HCK: variants seen among roughly 807,000 people sequenced by gnomAD.
HCK encodes HCK proto-oncogene, Src family tyrosine kinase, also known as tyrosine-protein kinase HCK.
A neutral mutation model predicts 70.4 loss-of-function variants in HCK; 40 were observed. The observed-to-expected ratio is 0.57, with a 90% CI of 0.44 to 0.74. The LOEUF (loss-of-function observed/expected upper bound fraction) is 0.74. Among genes scored for constraint, HCK ranks in the 30% least tolerant of loss-of-function variants. The probability of loss-of-function intolerance (pLI) is 0.00; values close to 1 mark genes in which losing one functional copy is unlikely to be tolerated. For missense variants in HCK, 568 were observed against 697.2 expected, an observed-to-expected ratio of 0.81 and a Z score of 2.09; for synonymous variants, 245 against 263.2, an observed-to-expected ratio of 0.93 and a Z score of 0.67.
chr20:32,084,373 C>T lies in HCK; in HGVS notation c.683-18C>T. The T allele has an allele frequency of 1.2e-6, 2 of 1,605,664 alleles. No homozygotes were observed. The highest frequency in any genetic ancestry group is 2.2e-5 in the East Asian group (1 of 44,750). Reference sequence around the variant, plus strand: ...CTCGGTGCTTGTTGCTCTCAATTGACCAGGGACTCTGTTCCAGAGGGGAAC... The same window carrying T: ...CTCGGTGCTTGTTGCTCTCAATTGATCAGGGACTCTGTTCCAGAGGGGAAC... On this transcript the variant is annotated intron_variant, in intron 7 of 12. Transcript: ENST00000375852.
Position 32,086,764 on chromosome 20 carries a change from C to T in HCK, c.972C>T (p.Val324=). 2.5e-6 allele frequency: 4 copies of T among 1,599,894 alleles called. No homozygotes were observed. The highest frequency in any genetic ancestry group is 3.4e-6 in the Non-Finnish European group (4 of 1,172,984). Reference sequence around the variant, plus strand: ...AGCTGGTCAAACTTCATGCGGTGGTCACCAAGGAGCCCATCTACATCATCA... The same window carrying T: ...AGCTGGTCAAACTTCATGCGGTGGTTACCAAGGAGCCCATCTACATCATCA... Residue 324 remains valine (V), a synonymous_variant, in exon 9 of 13, where the codon GTC becomes GTT. Transcript: ENST00000375852.
At chr20:32,094,460 G>T (rs2045906272) in intron 11 of HCK, among the ~76,000 whole-genome samples, 1 of 151,928 alleles carries the variant, frequency 6.6e-6, no homozygotes, top group African/African-American at 2.4e-5. Context: ...CTGGAGGACT[G>T]CTTGAGCCCA....
At chr20:32,074,805 T>C in intron 5 of HCK, 84 bp downstream of exon 5, 10 of 887,852 alleles carry the variant, frequency 1.1e-5, no homozygotes, top group Non-Finnish European at 1.7e-5. Context: ...GCACACACTG[T>C]ACCACTGCCT....
intron 9 of HCK, among the ~76,000 whole-genome samples, chr20:32,087,684 C>T (rs1390420829): frequency 1.3e-5 from 2 of 152,016 alleles, no homozygotes; most frequent in African/African-American, 2.4e-5. Flanking sequence ...CTCTGTTTCC[C>T]AGGCTGGAGT....
In HCK at chr20:32,101,555, G is replaced by A; in HGVS notation, c.*36G>A. 2.5e-6 allele frequency: 4 copies of A among 1,571,176 alleles called. No individual in the cohort carries two copies. The highest frequency in any genetic ancestry group is 3.5e-6 in the Non-Finnish European group (4 of 1,151,604). ...CAGGGCAGGGCCAGGGGGTGCCCAG[G>A]TGGTGGCTGCAAGGTGGCTCCAGCA... On this transcript the variant is annotated 3_prime_UTR_variant, in exon 13 of 13. Coordinates refer to ENST00000375852, the MANE Select transcript of HCK (RefSeq NM_002110.5).
intron 10 of HCK, among the ~76,000 whole-genome samples, chr20:32,091,908 C>G (rs2045868682): frequency 6.6e-6 from 1 of 151,764 alleles, no homozygotes; most frequent in South Asian, 2.1e-4. Context: ...CTGCTTGAGC[C>G]CAGGAGGCAC....
chr20:32,098,141 G>GGAGGAGGAT (rs1175695238), intron 11 of HCK, among the ~76,000 whole-genome samples: 3 of 151,546 alleles, frequency 2.0e-5, no homozygotes, highest in African/African-American at 2.4e-5. Context: ...TCCATCCCCT[G>GGAGGAGGAT]GGTTCAAGTG....
intron 5 of HCK, among the ~76,000 whole-genome samples, chr20:32,076,316 G>C (rs978371306): frequency 5.3e-5 from 8 of 151,720 alleles, no homozygotes; most frequent in Non-Finnish European, 1.0e-4. Flanking sequence ...GGACAAGAGC[G>C]ATACTCTGTC....
chr20:32,080,061 T>C (rs1181747247), intron 6 of HCK, among the ~76,000 whole-genome samples, 184 bp downstream of exon 6: 1 of 152,256 alleles, frequency 6.6e-6, no homozygotes, highest in Non-Finnish European at 1.5e-5. Flanking sequence ...TGCCTGGCTC[T>C]GCCCTTCTTA....
chr20:32,063,193 T>C (rs2045405050), intron 1 of HCK, among the ~76,000 whole-genome samples: 1 of 152,170 alleles, frequency 6.6e-6, no homozygotes, highest in Non-Finnish European at 1.5e-5. Flanking sequence ...TATGATGAGG[T>C]CCATAGAGAG....
chr20:32,074,851 G>A (rs559224149), intron 5 of HCK, 130 bp downstream of exon 5: 3 of 643,886 alleles, frequency 4.7e-6, no homozygotes, highest in East Asian at 2.8e-5. Context: ...GGCTTGGCTG[G>A]CTCCTTCTCT....
chr20:32,100,808 T>C (rs2046022658), intron 12 of HCK, among the ~76,000 whole-genome samples: 1 of 152,242 alleles, frequency 6.6e-6, no homozygotes, highest in African/African-American at 2.4e-5. Flanking sequence ...CAACACACAA[T>C]AGACGCTGAA....
intron 10 of HCK, among the ~76,000 whole-genome samples, chr20:32,090,963 T>C (rs1478646148): frequency 6.6e-6 from 1 of 152,170 alleles, no homozygotes; most frequent in Non-Finnish European, 1.5e-5. Flanking sequence ...TGCCAAACAC[T>C]CTACTAAGCC....
chr20:32,094,803 AAGAAAG>A (rs2045927751), intron 11 of HCK, among the ~76,000 whole-genome samples: 1 of 77,936 alleles, frequency 1.3e-5, no homozygotes, highest in Non-Finnish European at 3.0e-5. Flanking sequence ...GAAAGAAAGA[AAGAAAG>A]AAAGAAAGAA....
At chr20:32,068,807 G>C (rs2045497468) in intron 1 of HCK, among the ~76,000 whole-genome samples, 1 of 151,878 alleles carries the variant, frequency 6.6e-6, no homozygotes, top group Non-Finnish European at 1.5e-5. Flanking sequence ...AGCCAGGCAT[G>C]GTAGTTTGTA....
chr20:32,094,992 A>G (rs968435824), intron 11 of HCK, among the ~76,000 whole-genome samples: 1 of 152,192 alleles, frequency 6.6e-6, no homozygotes, highest in African/African-American at 2.4e-5. Flanking sequence ...TCTAAAAGAG[A>G]CAAAACATGT....
intron 11 of HCK, among the ~76,000 whole-genome samples, chr20:32,097,625 G>T (rs1213030719): frequency 6.6e-6 from 1 of 151,956 alleles, no homozygotes. Flanking sequence ...ATGACTAAAG[G>T]AATAAAAGTA....
At chr20:32,093,228 A>G (rs62204982) in intron 10 of HCK, among the ~76,000 whole-genome samples, 4,640 of 152,260 alleles carry the variant, frequency 0.03, 197 homozygotes, top group African/African-American at 0.094. Context: ...TACAAGTGTA[A>G]GCCACCATGC....
At chr20:32,079,621 C>A (rs951979646) in intron 5 of HCK, among the ~76,000 whole-genome samples, 153 bp from the exon 6 acceptor site, 1 of 152,132 alleles carries the variant, frequency 6.6e-6, no homozygotes, top group Non-Finnish European at 1.5e-5. Flanking sequence ...TTCTCTCCCC[C>A]AAAAAATCTT....
Sources: allele counts gnomAD v4.1 joint callset (sites outside exome capture counted in the v4.1 genomes callset), GRCh38; gene constraint gnomAD v4.1.1; transcripts MANE v1.5; gene names NCBI Gene and HGNC (gene_info 2026-07-23, HGNC 2026-07-21).